FGF13: variants seen among roughly 807,000 people sequenced by gnomAD.
FGF13 encodes the protein fibroblast growth factor homologous factor 2.
In FGF13, 2 loss-of-function variants were observed where a neutral mutation model predicts 19.5. That is an observed-to-expected ratio of 0.10 (90% CI 0.04 to 0.32). FGF13 has a LOEUF of 0.32. FGF13 is among the 10% of genes least tolerant of loss of function. FGF13 has a pLI of 1.00. For synonymous variants in FGF13, 72 were observed against 76.9 expected (o/e 0.94, Z 0.33); for missense variants, 113 against 192.7 (o/e 0.59, Z 2.45).
At chrX:138,735,032 C>T (rs770986947) in intron 1 of FGF13, among the ~76,000 whole-genome samples, 198 of 111,990 alleles carry the variant, frequency 1.8e-3, no homozygotes, top group African/African-American at 6.0e-3. Flanking sequence ...CAAACACTGC[C>T]TCCAACTAGT....
intron 1 of FGF13, among the ~76,000 whole-genome samples, chrX:139,028,582 C>CGTGTGTGTGTGTGT (rs1203709668): frequency 0.073 from 4,483 of 61,186 alleles, 201 homozygotes; most frequent in Non-Finnish European, 0.1. Flanking sequence ...GGAGAGAGAG[C>CGTGTGTGTGTGTGT]GTGTGTGTGT....
intron 1 of FGF13, among the ~76,000 whole-genome samples, chrX:139,019,137 A>T (rs756957556): frequency 8.9e-6 from 1 of 112,218 alleles, no homozygotes; most frequent in Non-Finnish European, 1.9e-5. Flanking sequence ...ATGAGCACTC[A>T]GAGAAGTCAA....
At chrX:138,690,489 T>C (rs1236551457) in intron 3 of FGF13, among the ~76,000 whole-genome samples, 1 of 110,824 alleles carries the variant, frequency 9.0e-6, no homozygotes, top group East Asian at 2.8e-4. Flanking sequence ...TTGAATCTAC[T>C]GTAATCCACT....
upstream of FGF13, among the ~76,000 whole-genome samples, chrX:138,715,297 T>C (rs1602739327): frequency 4.4e-5 from 5 of 112,406 alleles, no homozygotes; most frequent in Admixed American, 3.8e-4. Flanking sequence ...ACCTTGAGTA[T>C]GTCATTTCTC....
At chrX:138,969,650 C>T (rs182036331) in intron 1 of FGF13, among the ~76,000 whole-genome samples, 3 of 111,572 alleles carry the variant, frequency 2.7e-5, no homozygotes, top group East Asian at 5.6e-4. Flanking sequence ...GAATCCAAAA[C>T]GGAATGTATT....
intron 1 of FGF13, among the ~76,000 whole-genome samples, chrX:139,199,862 C>T: frequency 8.9e-6 from 1 of 112,419 alleles, no homozygotes. Context: ...AGAAAAGATA[C>T]AGTACCCCTA....
intron 1 of FGF13, among the ~76,000 whole-genome samples, chrX:138,885,297 A>T (rs1308866032): frequency 9.0e-6 from 1 of 111,375 alleles, no homozygotes; most frequent in East Asian, 2.9e-4. Context: ...GATTGGTCTC[A>T]CCTTGAGGCC....
chrX:138,768,437 T>G (rs1291744840), intron 3 of FGF13, among the ~76,000 whole-genome samples: 2 of 109,924 alleles, frequency 1.8e-5, no homozygotes, highest in African/African-American at 6.6e-5. Flanking sequence ...GTGGCTCTTT[T>G]TGGGGGTGCT....
At chrX:138,936,485 C>A (rs1436931698) in intron 1 of FGF13, among the ~76,000 whole-genome samples, 2 of 112,346 alleles carry the variant, frequency 1.8e-5, no homozygotes, top group Non-Finnish European at 1.9e-5. Context: ...GCTCACTAAG[C>A]ATTAGCTATT....
At chrX:138,691,386 T>C (rs1376455020) in intron 3 of FGF13, among the ~76,000 whole-genome samples, 1 of 112,165 alleles carries the variant, frequency 8.9e-6, no homozygotes, top group East Asian at 2.8e-4. Flanking sequence ...GGCCAGGATA[T>C]AGCAGTAGAT....
chrX:138,712,727 A>G (rs1047611346), upstream of FGF13, among the ~76,000 whole-genome samples: 17 of 112,182 alleles, frequency 1.5e-4, no homozygotes, highest in Non-Finnish European at 2.8e-4. Context: ...GAAGCAAAAT[A>G]GAGCAGCTCT....
chrX:138,785,646 T>G (rs1196919467), intron 3 of FGF13, among the ~76,000 whole-genome samples: 5 of 112,227 alleles, frequency 4.5e-5, no homozygotes, highest in African/African-American at 1.6e-4. Context: ...CATTTTATTC[T>G]CATAGTTCTA....
chrX:138,739,105 C>T, intron 1 of FGF13: 1 of 431,439 alleles, frequency 2.3e-6, no homozygotes, highest in East Asian at 4.0e-5. Context: ...ATCAAGAACC[C>T]CTGTCCCATC....
At position 138,627,116 on chromosome X, in the gene FGF13, C is replaced by T. The variant is rs968531786; in HGVS notation, c.*5734G>A. On this transcript the variant is annotated 3_prime_UTR_variant, in exon 5 of 5. Transcript: ENST00000315930. ...AAGAAAAATTCTCTGTTACTAAACC[C>T]CAGAATATCTTTTTCTACAAAATTG... The T allele has an allele frequency of 1.8e-5, 2 of 111,340 alleles. No homozygotes were observed. The highest frequency in any genetic ancestry group is 1.9e-4 in the Admixed American group (2 of 10,438). The allele number at this position is 111,340 out of a possible 1,213,427, so 9.2% of individuals were successfully genotyped here.
chrX:138,724,513 T>G (rs2090171006), intron 1 of FGF13, among the ~76,000 whole-genome samples: 1 of 111,759 alleles, frequency 8.9e-6, no homozygotes, highest in South Asian at 3.7e-4. Flanking sequence ...AAGGAGGAGT[T>G]AGCAAAGAGT....
At chrX:138,792,006 G>A (rs1255630241) in intron 3 of FGF13, among the ~76,000 whole-genome samples, 4 of 111,760 alleles carry the variant, frequency 3.6e-5, no homozygotes, top group African/African-American at 1.3e-4. Context: ...GAGCAAAGAT[G>A]ACTTAACTGT....
chrX:138,742,878 A>G (rs10521790), upstream of FGF13, among the ~76,000 whole-genome samples: 1 of 112,153 alleles, frequency 8.9e-6, no homozygotes, highest in African/African-American at 3.2e-5. Flanking sequence ...ACAGATTTGT[A>G]GTACGTTGTT....
chrX:138,715,236 A>G (rs2090090723), upstream of FGF13, among the ~76,000 whole-genome samples: 1 of 112,007 alleles, frequency 8.9e-6, no homozygotes, highest in South Asian at 3.8e-4. Flanking sequence ...CTAGCCTGGC[A>G]GGCTGGAAAC....
intron 1 of FGF13, among the ~76,000 whole-genome samples, chrX:139,000,275 C>T (rs1412087358): frequency 8.9e-6 from 1 of 111,833 alleles, no homozygotes; most frequent in African/African-American, 3.3e-5. Flanking sequence ...AAAACCAGCA[C>T]AAGACAAGGA....
Sources: allele counts gnomAD v4.1 joint callset (sites outside exome capture counted in the v4.1 genomes callset), GRCh38; gene constraint gnomAD v4.1.1; transcripts MANE v1.5; gene names NCBI Gene and HGNC (gene_info 2026-07-23, HGNC 2026-07-21).